The following LCA5 variants were observed in gnomAD, a reference collection of about 807,000 sequenced individuals.
LCA5 encodes lebercilin.
LCA5 carries 37 observed loss-of-function variants against 53.0 expected under a neutral mutation model. The ratio of observed to expected loss-of-function variants is 0.70; its 90% confidence interval spans 0.54 to 0.92. LCA5 has a LOEUF of 0.92. Ranked by LOEUF, LCA5 falls within the 40% of genes least tolerant of loss-of-function variation. The pLI is 0.00. For synonymous variants in LCA5, 303 were observed against 282.9 expected, an observed-to-expected ratio of 1.07 and a Z score of -0.71; for missense variants, 806 against 790.5, an observed-to-expected ratio of 1.02 and a Z score of -0.23.
At chr6:79,515,965 C>A (rs1405713472) in intron 2 of LCA5, among the ~76,000 whole-genome samples, 1 of 151,986 alleles carries the variant, frequency 6.6e-6, no homozygotes, top group Non-Finnish European at 1.5e-5. Context: ...AGAAGCTTGA[C>A]AAGTGGGTAG....
chr6:79,533,863 T>A (rs900187324), intron 1 of LCA5, among the ~76,000 whole-genome samples: 1 of 151,782 alleles, frequency 6.6e-6, no homozygotes, highest in Non-Finnish European at 1.5e-5. Flanking sequence ...TCAGCTTCTT[T>A]AGATAAAACA....
At chr6:79,521,218 T>C (rs923611901) in intron 1 of LCA5, among the ~76,000 whole-genome samples, 1 of 152,226 alleles carries the variant, frequency 6.6e-6, no homozygotes, top group Non-Finnish European at 1.5e-5. Context: ...GGTTTCTTTG[T>C]ATATAATTTT....
chr6:79,525,117 C>T (rs1019009460), intron 1 of LCA5: 4 of 151,994 alleles, frequency 2.6e-5, no homozygotes, highest in Non-Finnish European at 4.4e-5. Context: ...TCTGAGTATA[C>T]TACATAAACA....
At chr6:79,512,108 C>T (rs1394263083) in intron 3 of LCA5, among the ~76,000 whole-genome samples, 2 of 152,102 alleles carry the variant, frequency 1.3e-5, no homozygotes, top group South Asian at 4.1e-4. Flanking sequence ...TTATGTGGCA[C>T]ATTTTATGCT....
chr6:79,486,939 T>C lies in LCA5; in HGVS notation c.*65A>G. ...TTTAGCATTAAAAAGTCTAAATGTT[T>C]ATAATAAATACTGTATTAAAATATT... On this transcript the variant is annotated 3_prime_UTR_variant, in exon 8 of 8. Coordinates refer to ENST00000369846, the MANE Select transcript of LCA5 (RefSeq NM_001122769.3). 7.7e-7 allele frequency: 1 copy of C among 1,305,686 alleles called. No homozygotes were observed. The highest frequency in any genetic ancestry group is 2.2e-5 in the Admixed American group (1 of 45,206). 80.9% of individuals were successfully genotyped at this position (1,305,686 alleles called of 1,614,324 possible).
At chr6:79,512,141 G>A (rs1770423772) in intron 3 of LCA5, among the ~76,000 whole-genome samples, 1 of 152,096 alleles carries the variant, frequency 6.6e-6, no homozygotes. Flanking sequence ...TAATTAAAAT[G>A]TCAGTTATTT....
chr6:79,527,391 T>G (rs1383249904), intron 1 of LCA5, among the ~76,000 whole-genome samples: 1 of 152,162 alleles, frequency 6.6e-6, no homozygotes, highest in Non-Finnish European at 1.5e-5. Context: ...GGCAGGGAAC[T>G]CCTCCCTACC....
intron 1 of LCA5, among the ~76,000 whole-genome samples, chr6:79,532,350 CAT>C (rs886943075): frequency 5.3e-5 from 8 of 152,162 alleles, no homozygotes; most frequent in African/African-American, 1.4e-4. Flanking sequence ...CAGTTTTTCA[CAT>C]GACAGTGAGA....
chr6:79,512,242 T>C (rs1157776130), intron 3 of LCA5, among the ~76,000 whole-genome samples: 1 of 152,056 alleles, frequency 6.6e-6, no homozygotes, highest in Non-Finnish European at 1.5e-5. Context: ...CTTTGCACTA[T>C]GAGCTGATCA....
chr6:79,508,827 C>G (rs1168572535), intron 3 of LCA5, among the ~76,000 whole-genome samples: 1 of 151,962 alleles, frequency 6.6e-6, no homozygotes, highest in Non-Finnish European at 1.5e-5. Flanking sequence ...AGTGGTTTGA[C>G]TATAACTGAG....
intron 1 of LCA5, among the ~76,000 whole-genome samples, chr6:79,531,373 CT>C (rs1237388731): frequency 3.3e-5 from 5 of 152,140 alleles, no homozygotes; most frequent in Non-Finnish European, 7.3e-5. Flanking sequence ...AGGATCATTC[CT>C]ATCAATGAAG....
intron 6 of LCA5, 105 bp downstream of exon 6, chr6:79,491,483 A>G: frequency 4.3e-6 from 5 of 1,174,032 alleles, no homozygotes; most frequent in Non-Finnish European, 6.3e-6. Context: ...ATATTCATAT[A>G]GATATAGTAC....
chr6:79,530,564 T>C (rs2127689777), intron 1 of LCA5, among the ~76,000 whole-genome samples: 1 of 152,310 alleles, frequency 6.6e-6, no homozygotes, highest in South Asian at 2.1e-4. Context: ...TTTGCTAAAC[T>C]TCTGATTATT....
rs763614207 is a variant in LCA5 at position 79,518,749 on chromosome 6, T to C, written c.146A>G (p.Lys49Arg). ...VSSSPASVRRKNPKRQTSDGQ... is the reference protein window; with the variant it reads ...VSSSPASVRRRNPKRQTSDGQ... ...ATCTGAAGTTTGTCTTTTAGGATTTTTTCTCCTAACACTTGCAGGTGAAGA... is the reference window on the plus strand; with the variant it reads ...ATCTGAAGTTTGTCTTTTAGGATTTCTTCTCCTAACACTTGCAGGTGAAGA... Residue 49 changes from lysine (K) to arginine (R), a missense_variant, in exon 2 of 8, where the codon AAA becomes AGA. Physicochemically the swap from Lys to Arg is conservative, Grantham distance 26. Coordinates refer to ENST00000369846, the MANE Select transcript of LCA5 (RefSeq NM_001122769.3). 6.2e-7 allele frequency: 1 copy of C among 1,614,054 alleles called. No homozygotes were observed. Among genetic ancestry groups the C allele is most frequent in the Non-Finnish European group, 8.5e-7 (1 of 1,180,016 alleles).
intron 3 of LCA5, among the ~76,000 whole-genome samples, chr6:79,506,839 T>C (rs1264230016): frequency 1.3e-5 from 2 of 152,224 alleles, no homozygotes; most frequent in African/African-American, 2.4e-5. Flanking sequence ...CTGAAACATA[T>C]ACACGTTTGG....
chr6:79,512,531 GCA>G (rs1766261595), intron 3 of LCA5, among the ~76,000 whole-genome samples: 1 of 152,094 alleles, frequency 6.6e-6, no homozygotes, highest in Non-Finnish European at 1.5e-5. Flanking sequence ...CTCACAGCAA[GCA>G]TTATTGCCAT....
intron 1 of LCA5, among the ~76,000 whole-genome samples, chr6:79,531,798 C>T (rs2655702): frequency 0.012 from 1,898 of 152,202 alleles, 43 homozygotes; most frequent in African/African-American, 0.041. Context: ...CTTACTACCT[C>T]GCTGGCTGTC....
rs765430446 is a variant in LCA5 at position 79,487,516 on chromosome 6, T to A, written c.1582A>T (p.Ser528Cys). ...CCTTCTCCTTTTGGAGTTGAGAAAC[T>A]GATGTCTTGCAAATGATGCCCATTA... ...LFNGHHLQDI[S>C]FSTPKGEGQN... Residue 528 changes from serine to cysteine, a missense_variant, in exon 8 of 8, where the codon AGT becomes TGT. Ser to Cys is a moderately radical substitution (Grantham distance 112). Transcript: ENST00000369846. The A allele has an allele frequency of 1.2e-6, 2 of 1,613,954 alleles. No homozygotes were observed. The highest frequency in any genetic ancestry group is 2.7e-5 in the African/African-American group (2 of 74,932).
At chr6:79,506,384 T>A (rs1770272758) in intron 3 of LCA5, among the ~76,000 whole-genome samples, 1 of 152,194 alleles carries the variant, frequency 6.6e-6, no homozygotes, top group Non-Finnish European at 1.5e-5. Context: ...TCCCATTTCA[T>A]GATTATGGTT....
Sources: allele counts gnomAD v4.1 joint callset (sites outside exome capture counted in the v4.1 genomes callset), GRCh38; gene constraint gnomAD v4.1.1; transcripts MANE v1.5; gene names NCBI Gene and HGNC (gene_info 2026-07-23, HGNC 2026-07-21).